Variants in RFX3 observed in about 807,000 individuals in gnomAD.
The protein encoded by RFX3 is regulatory factor X3.
RFX3 carries 14 observed loss-of-function variants against 98.6 expected under a neutral mutation model. The observed-to-expected ratio is 0.14, with a 90% CI of 0.09 to 0.22. The LOEUF is 0.22. Ranked by LOEUF, RFX3 falls within the 10% of genes least tolerant of loss-of-function variation. The pLI is 1.00. For missense variants in RFX3, 639 were observed against 926.9 expected (o/e 0.69, Z 4.03); for synonymous variants, 383 against 328.4 (o/e 1.17, Z -1.80).
chr9:3,340,965 T>TGCG (rs1322038246), intron 3 of RFX3, among the ~76,000 whole-genome samples: 1 of 152,192 alleles, frequency 6.6e-6, no homozygotes, highest in African/African-American at 2.4e-5. Context: ...ATATGTTTAT[T>TGCG]GCGGCACTAT....
At chr9:3,229,522 C>T (rs1363819743) in intron 15 of RFX3, among the ~76,000 whole-genome samples, 1 of 152,210 alleles carries the variant, frequency 6.6e-6, no homozygotes, top group Non-Finnish European at 1.5e-5. Flanking sequence ...AATTAATAGC[C>T]TTCGGCTTAG....
chr9:3,403,253 T>C (rs1290387577), intron 1 of RFX3, among the ~76,000 whole-genome samples: 1 of 152,102 alleles, frequency 6.6e-6, no homozygotes, highest in East Asian at 1.9e-4. Flanking sequence ...CACATCTTTG[T>C]GAAAAATTTA....
Position 3,276,476 on chromosome 9 carries a change from A to G in RFX3, c.973+864T>C, listed in dbSNP as rs189453503. On this transcript the variant is annotated intron_variant, in intron 8 of 16. Transcript: ENST00000617270. ...TCTAGTTTTCTAGGTAATCCAGAAT[A>G]TGCTTAGTTTTTAAGATGATAATCG... Among the ~76,000 whole-genome samples the G allele has an allele frequency of 1.4e-3, 210 of 152,254 alleles. 1 individual carries two copies. Among genetic ancestry groups the G allele is most frequent in the Non-Finnish European group, 7.1e-4 (48 of 67,988 alleles).
Position 3,393,335 on chromosome 9 carries a change from C to A in RFX3, c.117+2137G>T, listed in dbSNP as rs537511391. 2.9e-3 allele frequency among the ~76,000 whole-genome samples: 434 copies of A among 151,978 alleles called. 1 individual carries two copies. Among genetic ancestry groups the A allele is most frequent in the Admixed American group, 4.9e-3 (75 of 15,254 alleles). On this transcript the variant is annotated intron_variant, in intron 2 of 16. Transcript: ENST00000617270. Reference sequence around the variant, plus strand: ...TTTTGAGTCTTTATACTATTATATACCCTATTAAGACCTGGTGTAAATATT... The same window carrying A: ...TTTTGAGTCTTTATACTATTATATAACCTATTAAGACCTGGTGTAAATATT...
At chr9:3,232,353 T>C (rs910244276) in intron 15 of RFX3, among the ~76,000 whole-genome samples, 2 of 152,154 alleles carry the variant, frequency 1.3e-5, no homozygotes, top group African/African-American at 4.8e-5. Flanking sequence ...TCCCTGAAGC[T>C]TTCCTGGCAG....
intron 4 of RFX3, among the ~76,000 whole-genome samples, chr9:3,304,341 T>C (rs927525054): frequency 2.0e-5 from 3 of 152,170 alleles, no homozygotes; most frequent in South Asian, 2.1e-4. Flanking sequence ...TTTAAGTACA[T>C]AGTAACTGTG....
At chr9:3,414,023 A>G (rs1321234436) in intron 1 of RFX3, among the ~76,000 whole-genome samples, 1 of 152,138 alleles carries the variant, frequency 6.6e-6, no homozygotes, top group Non-Finnish European at 1.5e-5. Context: ...TTGAACACCT[A>G]CCACATATCT....
At chr9:3,461,993 T>C (rs1847732318) in intron 1 of RFX3, among the ~76,000 whole-genome samples, 1 of 152,018 alleles carries the variant, frequency 6.6e-6, no homozygotes, top group African/African-American at 2.4e-5. Flanking sequence ...GTGCCACAAG[T>C]GAACTTTTGT....
chr9:3,363,836 G>C (rs189679542), intron 2 of RFX3, among the ~76,000 whole-genome samples: 19 of 152,272 alleles, frequency 1.2e-4, no homozygotes, highest in South Asian at 4.1e-4. Flanking sequence ...GTAGTACAAA[G>C]GCAAGACATT....
intron 4 of RFX3, 114 bp from the exon 5 acceptor site, chr9:3,301,734 T>G: frequency 3.0e-6 from 2 of 661,652 alleles, no homozygotes; most frequent in Non-Finnish European, 5.2e-6. Context: ...CGGTCGTTAA[T>G]GAACAGTTGC....
intron 2 of RFX3, among the ~76,000 whole-genome samples, chr9:3,364,108 T>C (rs1836776881): frequency 6.6e-6 from 1 of 152,200 alleles, no homozygotes; most frequent in Admixed American, 6.5e-5. Flanking sequence ...TCTCCTGACC[T>C]CATGATCTGC....
chr9:3,331,415 T>C (rs138734180), intron 3 of RFX3, among the ~76,000 whole-genome samples: 1 of 152,324 alleles, frequency 6.6e-6, no homozygotes, highest in East Asian at 1.9e-4. Context: ...TATTTTAAAA[T>C]ACTAAGTTCT....
At chr9:3,262,129 CAA>C (rs1009918511) in intron 13 of RFX3, among the ~76,000 whole-genome samples, 22 of 152,076 alleles carry the variant, frequency 1.4e-4, no homozygotes, top group African/African-American at 5.3e-4. Flanking sequence ...TTTGAAACCC[CAA>C]AGTTTTAAAT....
intron 1 of RFX3, among the ~76,000 whole-genome samples, chr9:3,431,495 A>G (rs1404768668): frequency 2.0e-5 from 3 of 152,182 alleles, no homozygotes; most frequent in African/African-American, 4.8e-5. Flanking sequence ...AGTTGTCACT[A>G]CAGTTACGCC....
chr9:3,257,275 A>T lies in RFX3; in HGVS notation c.1606-76T>A, dbSNP rs181488825. The T allele has an allele frequency of 6.1e-5, 71 of 1,156,970 alleles. 1 individual carries two copies. The Admixed American group carries it at 8.6e-4, about 14-fold the overall frequency. The allele number at this position is 1,156,970 out of a possible 1,614,324, so 71.7% of individuals were successfully genotyped here. ...CATTGAATGCCAGCACACACACTAG[A>T]TGCAAGAACAGAAAATTATAATAAA... On this transcript the variant is annotated intron_variant, in intron 13 of 16. Transcript: ENST00000617270.
intron 14 of RFX3, among the ~76,000 whole-genome samples, chr9:3,250,115 C>T (rs931880779): frequency 1.3e-4 from 19 of 151,342 alleles, no homozygotes; most frequent in African/African-American, 4.6e-4. Context: ...TATTTCTATT[C>T]CTATGGTAAA....
At chr9:3,427,988 T>A (rs981243110) in intron 1 of RFX3, among the ~76,000 whole-genome samples, 4 of 152,052 alleles carry the variant, frequency 2.6e-5, no homozygotes, top group African/African-American at 9.7e-5. Context: ...CAAGTCCTTG[T>A]TACATAGTCA....
chr9:3,290,527 C>T (rs1451990351), intron 6 of RFX3, among the ~76,000 whole-genome samples: 3 of 151,876 alleles, frequency 2.0e-5, no homozygotes, highest in African/African-American at 4.8e-5. Context: ...GAGCCACCAG[C>T]GAGGAGATAG....
intron 15 of RFX3, chr9:3,247,783 C>T (rs771004470): frequency 6.3e-7 from 1 of 1,596,012 alleles, no homozygotes; most frequent in African/African-American, 1.4e-5. Flanking sequence ...TACATAGGTA[C>T]CTGTATAATA....
Sources: allele counts gnomAD v4.1 joint callset (sites outside exome capture counted in the v4.1 genomes callset), GRCh38; gene constraint gnomAD v4.1.1; transcripts MANE v1.5; gene names NCBI Gene and HGNC (gene_info 2026-07-23, HGNC 2026-07-21).